KIF6: variants seen among roughly 807,000 people sequenced by gnomAD.
KIF6 encodes kinesin family member 6.
Under a neutral mutation model 112.7 loss-of-function variants are expected in KIF6, and 106 were observed. The ratio of observed to expected loss-of-function variants is 0.94; its 90% CI spans 0.80 to 1.11. The LOEUF (loss-of-function observed/expected upper bound fraction) is 1.11, where lower values mean the gene tolerates loss of function less well. Ranked by LOEUF, KIF6 falls within the 50% of genes least tolerant of loss-of-function variation. The probability of loss-of-function intolerance (pLI) is 0.00; values close to 1 mark genes in which losing one functional copy is unlikely to be tolerated. For missense variants in KIF6, 929 were observed against 964.0 expected, an observed-to-expected ratio of 0.96 and a Z score of 0.48; for synonymous variants, 339 against 339.9, an observed-to-expected ratio of 1.00 and a Z score of 0.03.
intron 13 of KIF6, among the ~76,000 whole-genome samples, chr6:39,454,490 C>T (rs115617276): frequency 0.01 from 1,459 of 142,000 alleles, 21 homozygotes; most frequent in African/African-American, 0.036. Context: ...AAAATATAAA[C>T]GAAACTCTTT....
At chr6:39,597,803 A>G (rs1782354112) in intron 6 of KIF6, among the ~76,000 whole-genome samples, 1 of 152,200 alleles carries the variant, frequency 6.6e-6, no homozygotes. Context: ...CAGTGTGATA[A>G]AATCCATCAT....
intron 19 of KIF6, among the ~76,000 whole-genome samples, chr6:39,350,950 T>C (rs1226637813): frequency 2.0e-5 from 3 of 152,170 alleles, no homozygotes; most frequent in Non-Finnish European, 2.9e-5. Context: ...CAGTGATCTC[T>C]GCCCAGGAAT....
At position 39,408,970 on chromosome 6, in the gene KIF6, C is replaced by G. The variant is rs111228258; in HGVS notation, c.1810+10978G>C. ...GTCCTCTTCCCGTTAACCTCTCTGC[C>G]TCTTTCCTTTATTGTCAGCTCCATC... is the stretch of plus-strand genomic sequence containing the variant. On this transcript the variant is annotated intron_variant, in intron 15 of 22. Coordinates refer to ENST00000287152, the MANE Select transcript of KIF6 (RefSeq NM_145027.6). Among the ~76,000 whole-genome samples, 1,181 of 152,258 alleles carry G rather than the reference C, an allele frequency of 7.8e-3. 14 individuals carry two copies. The highest frequency in any genetic ancestry group is 0.027 in the African/African-American group (1,125 of 41,534).
intron 19 of KIF6, among the ~76,000 whole-genome samples, chr6:39,350,238 G>C (rs936529181): frequency 2.6e-5 from 4 of 152,176 alleles, no homozygotes. Flanking sequence ...AGCACATAAA[G>C]AAAGCGCCTT....
rs1016079883 is a variant in KIF6 at position 39,336,403 on chromosome 6, G to T, written c.*129C>A. ...TAAAGAAACACAGTCCCCTCCATGGGAATCAAAGTCACTAGTTGCTCCCAG... is the reference window on the plus strand; with the variant it reads ...TAAAGAAACACAGTCCCCTCCATGGTAATCAAAGTCACTAGTTGCTCCCAG... On this transcript the variant is annotated 3_prime_UTR_variant, in exon 23 of 23. Coordinates refer to ENST00000287152, the MANE Select transcript of KIF6 (RefSeq NM_145027.6). 9 of 882,252 alleles carry T rather than the reference G, an allele frequency of 1.0e-5. No homozygotes were observed. The African/African-American group carries it at 1.5e-4, about 15-fold the overall frequency. The allele number at this position is 882,252 out of a possible 1,614,324, so 54.7% of individuals were successfully genotyped here.
chr6:39,408,695 T>C (rs529583727), intron 15 of KIF6, among the ~76,000 whole-genome samples: 3 of 152,220 alleles, frequency 2.0e-5, no homozygotes, highest in Admixed American at 2.0e-4. Flanking sequence ...ATACATCAAA[T>C]TGTTGAAAGT....
At chr6:39,384,916 T>A (rs1767282688) in intron 16 of KIF6, among the ~76,000 whole-genome samples, 1 of 152,200 alleles carries the variant, frequency 6.6e-6, no homozygotes, top group African/African-American at 2.4e-5. Context: ...TTGGGTCACA[T>A]ATCAAAAAAG....
At chr6:39,340,889 T>C (rs148682360) in intron 22 of KIF6, among the ~76,000 whole-genome samples, 22 of 152,214 alleles carry the variant, frequency 1.4e-4, no homozygotes, top group African/African-American at 4.6e-4. Context: ...TTGGTTTCTA[T>C]GGATTTGTTA....
intron 13 of KIF6, among the ~76,000 whole-genome samples, chr6:39,532,986 A>G (rs1402311747): frequency 6.6e-6 from 1 of 152,228 alleles, no homozygotes; most frequent in African/African-American, 2.4e-5. Context: ...CTGTAGTAGC[A>G]GGACTGACAC....
At chr6:39,350,417 G>A (rs992684138) in intron 19 of KIF6, among the ~76,000 whole-genome samples, 1 of 152,118 alleles carries the variant, frequency 6.6e-6, no homozygotes, top group Non-Finnish European at 1.5e-5. Context: ...CTGATTAGCT[G>A]GTGACCCTGG....
intron 13 of KIF6, among the ~76,000 whole-genome samples, chr6:39,472,614 G>T (rs1453908900): frequency 1.3e-5 from 2 of 151,972 alleles, no homozygotes; most frequent in African/African-American, 2.4e-5. Context: ...CCCTTCCCAC[G>T]AATATAAAAA....
At chr6:39,707,668 A>G (rs1789295041) in intron 3 of KIF6, among the ~76,000 whole-genome samples, 1 of 152,214 alleles carries the variant, frequency 6.6e-6, no homozygotes, top group Non-Finnish European at 1.5e-5. Context: ...TGTCTACTCT[A>G]TCTTGGTCTG....
chr6:39,705,380 A>T (rs1789143915), intron 3 of KIF6, among the ~76,000 whole-genome samples: 1 of 152,230 alleles, frequency 6.6e-6, no homozygotes, highest in African/African-American at 2.4e-5. Flanking sequence ...GTCATTGAAA[A>T]GATCTCTGTC....
intron 13 of KIF6, among the ~76,000 whole-genome samples, chr6:39,434,193 G>A (rs574554812): frequency 6.6e-6 from 1 of 152,246 alleles, no homozygotes; most frequent in African/African-American, 2.4e-5. Flanking sequence ...TGCTAGGCAT[G>A]TGACAGAGAT....
At chr6:39,424,868 T>C (rs1770648804) in intron 14 of KIF6, among the ~76,000 whole-genome samples, 1 of 152,202 alleles carries the variant, frequency 6.6e-6, no homozygotes, top group Non-Finnish European at 1.5e-5. Flanking sequence ...TGCAAGTCAA[T>C]GGTCAAGGAC....
At chr6:39,464,569 T>C (rs749362621) in intron 13 of KIF6, among the ~76,000 whole-genome samples, 4 of 152,200 alleles carry the variant, frequency 2.6e-5, no homozygotes, top group Non-Finnish European at 5.9e-5. Flanking sequence ...AAAAGTGGAA[T>C]CTGGAATGCA....
At chr6:39,605,008 G>A (rs769303036) in intron 6 of KIF6, among the ~76,000 whole-genome samples, 8 of 151,992 alleles carry the variant, frequency 5.3e-5, no homozygotes, top group African/African-American at 7.2e-5. Flanking sequence ...AATCTAAGTC[G>A]GCTAAATTGT....
intron 3 of KIF6, among the ~76,000 whole-genome samples, chr6:39,700,217 G>A (rs1788802577): frequency 6.6e-6 from 1 of 152,158 alleles, no homozygotes; most frequent in Non-Finnish European, 1.5e-5. Flanking sequence ...TAGTCACCCT[G>A]TTGTGCTATT....
intron 14 of KIF6, among the ~76,000 whole-genome samples, chr6:39,420,772 A>C (rs1770306358): frequency 6.6e-6 from 1 of 152,174 alleles, no homozygotes; most frequent in Non-Finnish European, 1.5e-5. Context: ...TGGGATCATA[A>C]TACAGATATG....
Sources: allele counts gnomAD v4.1 joint callset (sites outside exome capture counted in the v4.1 genomes callset), GRCh38; gene constraint gnomAD v4.1.1; transcripts MANE v1.5; gene names NCBI Gene and HGNC (gene_info 2026-07-23, HGNC 2026-07-21).